Variants in TRPM3 observed in about 807,000 individuals in gnomAD.
TRPM3 encodes long transient receptor potential channel 3.
In TRPM3, 77 loss-of-function variants were observed where a neutral mutation model predicts 181.2. The ratio of observed to expected loss-of-function variants is 0.42; its 90% CI spans 0.35 to 0.51. The LOEUF (loss-of-function observed/expected upper bound fraction) is 0.51, where lower values mean the gene tolerates loss of function less well. Among genes scored for constraint, TRPM3 ranks in the 20% least tolerant of loss-of-function variants. TRPM3 has a pLI of 0.01. For synonymous variants in TRPM3, 745 were observed against 796.4 expected (o/e 0.94, Z 1.09); for missense variants, 1,759 against 2,196.7 (o/e 0.80, Z 3.98).
intron 1 of TRPM3, among the ~76,000 whole-genome samples, chr9:71,248,862 C>T (rs779258580): frequency 1.3e-5 from 2 of 152,076 alleles, no homozygotes; most frequent in African/African-American, 4.8e-5. Context: ...AAGAAGTGAG[C>T]TTTATGGCTC....
At chr9:71,301,922 A>G (rs552579042) in intron 1 of TRPM3, among the ~76,000 whole-genome samples, 1 of 152,270 alleles carries the variant, frequency 6.6e-6, no homozygotes, top group Admixed American at 6.5e-5. Flanking sequence ...TTTACCCTCA[A>G]GAGGTTGTCT....
chr9:71,288,720 C>T (rs2085515182), intron 1 of TRPM3, among the ~76,000 whole-genome samples: 1 of 152,084 alleles, frequency 6.6e-6, no homozygotes, highest in Non-Finnish European at 1.5e-5. Flanking sequence ...ACTCTGGGTA[C>T]ATCAGCCAAT....
rs550487661 is a variant in TRPM3, at chr9:70,925,537, AAT to A, written c.178-61028_178-61027del. On this transcript the variant is annotated intron_variant, in intron 1 of 25. Transcript: ENST00000677713. ...CAAATGTTGGTAGAATATGGAAAAA[AAT>A]ATATATATATATCCTCCTGTCTATT... is the stretch of plus-strand genomic sequence containing the variant. 4.1e-3 allele frequency among the ~76,000 whole-genome samples: 621 copies of A among 151,506 alleles called. 7 individuals are homozygous for A. The highest frequency in any genetic ancestry group is 0.014 in the African/African-American group (590 of 41,330).
chr9:70,568,537 T>C (rs940050662), intron 22 of TRPM3, among the ~76,000 whole-genome samples: 1 of 152,232 alleles, frequency 6.6e-6, no homozygotes, highest in African/African-American at 2.4e-5. Context: ...TATTAAACAA[T>C]TGCTATACCC....
chr9:70,890,685 AAAAT>A (rs2096185344), intron 1 of TRPM3, among the ~76,000 whole-genome samples: 1 of 152,192 alleles, frequency 6.6e-6, no homozygotes, highest in Non-Finnish European at 1.5e-5. Context: ...GGGTGAGAAT[AAAAT>A]AAATAAATGT....
chr9:71,122,181 A>G (rs912863109), upstream of TRPM3, among the ~76,000 whole-genome samples: 3 of 152,236 alleles, frequency 2.0e-5, no homozygotes, highest in Admixed American at 6.5e-5. Context: ...TAACCCATAA[A>G]GTGCCACATG....
chr9:70,879,272 A>G lies in TRPM3; in HGVS notation c.178-14761T>C, dbSNP rs569895839. Among the ~76,000 whole-genome samples, 26 of 152,242 alleles carry G rather than the reference A, an allele frequency of 1.7e-4. No homozygotes were observed. The South Asian group carries it at 5.2e-3, about 30-fold the overall frequency. Reference sequence around the variant, plus strand: ...GAGAGGTATCTGAGCTGGGCCTGGCACAGAGTTAGTGCTCTCAGCACAGAG... The same window carrying G: ...GAGAGGTATCTGAGCTGGGCCTGGCGCAGAGTTAGTGCTCTCAGCACAGAG... On this transcript the variant is annotated intron_variant, in intron 1 of 25. Coordinates refer to ENST00000677713, the MANE Select transcript of TRPM3 (RefSeq NM_001366145.2).
At chr9:71,180,050 C>CTTTTTTTTTTTTTTT (rs35877663) in intron 1 of TRPM3, among the ~76,000 whole-genome samples, 6 of 101,186 alleles carry the variant, frequency 5.9e-5, no homozygotes, top group African/African-American at 1.9e-4. Flanking sequence ...ATACATCCTT[C>CTTTTTTTTTTTTTTT]TTTTTTTTTT....
rs1233812431 is a variant in TRPM3 at position 71,008,326 on chromosome 9, A to G, written c.177+112852T>C. 2.0e-5 allele frequency among the ~76,000 whole-genome samples: 3 copies of G among 152,138 alleles called. No individual in the cohort carries two copies. The East Asian group carries it at 5.8e-4, about 29-fold the overall frequency. On this transcript the variant is annotated intron_variant, in intron 1 of 25. Transcript: ENST00000677713. ...CCTGATGGCTACACCACTGAATTCT[A>G]CCAAACATTTAAAGAAGAACTATAT...
At chr9:70,570,963 A>C (rs183150567) in intron 22 of TRPM3, among the ~76,000 whole-genome samples, 14 of 152,238 alleles carry the variant, frequency 9.2e-5, no homozygotes, top group Non-Finnish European at 5.9e-5. Context: ...ATTTTGGAAG[A>C]GATAATGAGG....
At chr9:71,177,932 C>CAAAAAA (rs10717759) in intron 1 of TRPM3, among the ~76,000 whole-genome samples, 1 of 123,590 alleles carries the variant, frequency 8.1e-6, no homozygotes. Context: ...TGCTCAAAGC[C>CAAAAAA]AAAAAAAAAA....
intron 1 of TRPM3, among the ~76,000 whole-genome samples, chr9:70,909,614 G>C (rs1478051316): frequency 6.6e-6 from 1 of 152,084 alleles, no homozygotes; most frequent in South Asian, 2.1e-4. Context: ...GTTAACTGGG[G>C]GTGGAGGGGC....
intron 1 of TRPM3, among the ~76,000 whole-genome samples, chr9:71,037,729 A>C (rs1159750701): frequency 6.6e-6 from 1 of 152,220 alleles, no homozygotes; most frequent in East Asian, 1.9e-4. Flanking sequence ...ACTCAATGAA[A>C]TGTATCACAG....
intron 1 of TRPM3, among the ~76,000 whole-genome samples, chr9:71,280,161 G>C (rs925077231): frequency 1.3e-5 from 2 of 151,590 alleles, no homozygotes; most frequent in Admixed American, 6.6e-5. Flanking sequence ...ACTGATACAT[G>C]GTTTCCAACA....
At chr9:71,187,735 G>T (rs1204520664) in intron 1 of TRPM3, among the ~76,000 whole-genome samples, 1 of 151,774 alleles carries the variant, frequency 6.6e-6, no homozygotes, top group Non-Finnish European at 1.5e-5. Flanking sequence ...ATTACCAAAA[G>T]CTGGCCACTC....
chr9:71,247,002 A>G (rs2082070659), intron 1 of TRPM3, among the ~76,000 whole-genome samples: 1 of 152,186 alleles, frequency 6.6e-6, no homozygotes, highest in Admixed American at 6.5e-5. Context: ...AACAGAGTCT[A>G]CTGAGCTCCA....
At chr9:71,438,724 G>A (rs1276384370) in intron 1 of TRPM3, among the ~76,000 whole-genome samples, 2 of 152,176 alleles carry the variant, frequency 1.3e-5, no homozygotes, top group Non-Finnish European at 2.9e-5. Context: ...TTTAGAGGAA[G>A]TGATGTAATA....
chr9:71,070,800 C>A (rs966027649), intron 1 of TRPM3, among the ~76,000 whole-genome samples: 3 of 152,128 alleles, frequency 2.0e-5, no homozygotes, highest in South Asian at 2.1e-4. Flanking sequence ...TTTTTCTCAT[C>A]GTATCTGCAG....
intron 5 of TRPM3, among the ~76,000 whole-genome samples, chr9:70,836,948 C>A (rs993664675): frequency 6.6e-6 from 1 of 152,212 alleles, no homozygotes; most frequent in South Asian, 2.1e-4. Flanking sequence ...CATCACTGTT[C>A]TCACTAGAAC....
Sources: gnomAD v4.1 joint callset for allele counts (sites outside exome capture counted in the v4.1 genomes callset) on GRCh38, gnomAD v4.1.1 for gene constraint, MANE v1.5 for transcripts, NCBI Gene and HGNC (gene_info 2026-07-23, HGNC 2026-07-21) for gene names.